The following NTNG2 variants were observed in gnomAD, a reference collection of about 807,000 sequenced individuals.
The protein encoded by NTNG2 is netrin-G2.
NTNG2 carries 15 observed loss-of-function variants against 47.6 expected under a neutral mutation model. That is an observed-to-expected ratio of 0.32 (90% CI 0.21 to 0.49). The LOEUF (loss-of-function observed/expected upper bound fraction) is 0.49, where lower values mean the gene tolerates loss of function less well. Ranked by LOEUF, NTNG2 falls within the 20% of genes least tolerant of loss-of-function variation. NTNG2 has a pLI of 0.99. For missense variants in NTNG2, 578 were observed against 764.6 expected (o/e 0.76, Z 2.88); for synonymous variants, 307 against 324.6 (o/e 0.95, Z 0.58).
intron 2 of NTNG2, among the ~76,000 whole-genome samples, chr9:132,173,749 G>C (rs1836122349): frequency 6.7e-6 from 1 of 149,146 alleles, no homozygotes; most frequent in Non-Finnish European, 1.5e-5. Context: ...CGGATGAGAT[G>C]GATGGACGGA....
At position 132,180,611 on chromosome 9, in the gene NTNG2, C is replaced by A. The variant is rs1409456712; in HGVS notation, c.213+13567C>A. On this transcript the variant is annotated intron_variant, in intron 2 of 7. Transcript: ENST00000393229. This position sits in a 1 kb window ranked among gnomAD's most constrained non-coding sequence, Gnocchi z 4.2. ...TCTTCCCATTTCGGGGTATAGACTTCCTGCCTGTAAAATGAGGGGGTCTGC... is the reference window on the plus strand; with the variant it reads ...TCTTCCCATTTCGGGGTATAGACTTACTGCCTGTAAAATGAGGGGGTCTGC... Among the ~76,000 whole-genome samples, 1 of 152,182 alleles carries A rather than the reference C, an allele frequency of 6.6e-6. No individual in the cohort carries two copies. The highest frequency in any genetic ancestry group is 1.9e-4 in the East Asian group (1 of 5,188).
intron 5 of NTNG2, chr9:132,233,475 G>T (rs943754): frequency 0.8 from 121,322 of 152,048 alleles, 48,690 homozygotes; most frequent in South Asian, 0.92. Context: ...TGCAGGGGAG[G>T]TGAGGGTCCC....
chr9:132,186,284 C>T (rs983179516), intron 2 of NTNG2, among the ~76,000 whole-genome samples: 3 of 152,206 alleles, frequency 2.0e-5, no homozygotes, highest in South Asian at 2.1e-4. Context: ...CAGGGATGCA[C>T]GGGCACTCTT....
intron 2 of NTNG2, among the ~76,000 whole-genome samples, chr9:132,195,503 AT>A (rs1838234335): frequency 8.9e-5 from 6 of 67,420 alleles, no homozygotes; most frequent in Non-Finnish European, 1.9e-4. Context: ...TTTTTTTTGT[AT>A]TTTTAGTAGA....
At chr9:132,210,273 T>A (rs905864771) in intron 3 of NTNG2, among the ~76,000 whole-genome samples, 5 of 152,074 alleles carry the variant, frequency 3.3e-5, no homozygotes, top group Admixed American at 6.5e-5. Flanking sequence ...CCCGCTCTTG[T>A]AAAGATTGTC....
chr9:132,240,549 GC>G (rs1841912412), intron 6 of NTNG2: 1 of 383,368 alleles, frequency 2.6e-6, no homozygotes, highest in African/African-American at 2.1e-5. Flanking sequence ...ATGCTCAGTG[GC>G]CTCTGCTGAG....
At chr9:132,178,664 G>A (rs1056082449) in intron 2 of NTNG2, among the ~76,000 whole-genome samples, 1 of 152,052 alleles carries the variant, frequency 6.6e-6, no homozygotes, top group Non-Finnish European at 1.5e-5. Context: ...ATTAGGCCAA[G>A]TGTGGTGGCT....
At chr9:132,169,991 T>C (rs1835783227) in intron 2 of NTNG2, among the ~76,000 whole-genome samples, 1 of 152,200 alleles carries the variant, frequency 6.6e-6, no homozygotes, top group Non-Finnish European at 1.5e-5. Context: ...GGGGGCGCCC[T>C]AATGGCGGCC....
Position 132,215,757 on chromosome 9 carries a change from A to G in NTNG2, c.858-11092A>G, listed in dbSNP as rs1839924834. ...CTCTGGGGTGGGTGTTGGACGGGAC[A>G]GCATGAATAAGGGGCCCTGCCCTTG... On this transcript the variant is annotated intron_variant, in intron 3 of 7. Transcript: ENST00000393229. This position sits in a 1 kb window ranked among gnomAD's most constrained non-coding sequence, Gnocchi z 4.2. Among the ~76,000 whole-genome samples the G allele has an allele frequency of 6.6e-6, 1 of 152,140 alleles. No individual in the cohort carries two copies. Among genetic ancestry groups the G allele is most frequent in the Non-Finnish European group, 1.5e-5 (1 of 68,014 alleles).
In NTNG2 at chr9:132,171,640, G is replaced by T. The variant is rs73559287; in HGVS notation, c.213+4596G>T. Among the ~76,000 whole-genome samples, 552 of 152,312 alleles carry T rather than the reference G, an allele frequency of 3.6e-3. 3 individuals carry two copies. The highest frequency in any genetic ancestry group is 0.012 in the African/African-American group (515 of 41,576). ...AGTTTACCCAGCTGCAGAGCAAATG[G>T]TTCCATTCCTCCCCCAGGGGGTCTG... On this transcript the variant is annotated intron_variant, in intron 2 of 7. Transcript: ENST00000393229.
chr9:132,195,570 A>G (rs912532952), intron 2 of NTNG2, among the ~76,000 whole-genome samples: 2 of 136,388 alleles, frequency 1.5e-5, no homozygotes, highest in East Asian at 4.3e-4. Flanking sequence ...CTCGTGATCC[A>G]CCCGCCTCGG....
intron 2 of NTNG2, among the ~76,000 whole-genome samples, chr9:132,176,501 A>G (rs1230333800): frequency 6.6e-6 from 1 of 152,212 alleles, no homozygotes; most frequent in Non-Finnish European, 1.5e-5. Flanking sequence ...GTTTGTCCAC[A>G]TTGTCGCATG....
chr9:132,238,676 G>A lies in NTNG2; in HGVS notation c.1055-428G>A, dbSNP rs547816339. Among the ~76,000 whole-genome samples the A allele has an allele frequency of 4.6e-5, 7 of 152,340 alleles. No homozygotes were observed. The South Asian group carries it at 6.2e-4, about 14-fold the overall frequency. On this transcript the variant is annotated intron_variant, in intron 5 of 7. Coordinates refer to ENST00000393229, the MANE Select transcript of NTNG2 (RefSeq NM_032536.4). ...TTCATCTACCCGAGGATACCACGGC[G>A]AGCGCCGTGAACCCAGGCGTCGCCC...
At chr9:132,230,175 G>C (rs1841091453) in intron 4 of NTNG2, among the ~76,000 whole-genome samples, 1 of 152,212 alleles carries the variant, frequency 6.6e-6, no homozygotes, top group Admixed American at 6.5e-5. Context: ...TCTTAGACAG[G>C]AACACTCCAT....
intron 2 of NTNG2, among the ~76,000 whole-genome samples, chr9:132,186,909 C>T (rs949469475): frequency 2.0e-5 from 3 of 152,256 alleles, no homozygotes; most frequent in Non-Finnish European, 4.4e-5. Flanking sequence ...AAGGCCCCTG[C>T]TCTCCCAGAG....
rs190527982 is a variant in NTNG2 at position 132,171,820 on chromosome 9, G to C, written c.213+4776G>C. 1.2e-4 allele frequency among the ~76,000 whole-genome samples: 18 copies of C among 152,324 alleles called. No homozygotes were observed. The East Asian group carries it at 3.5e-3, about 29-fold the overall frequency. Reference sequence around the variant, plus strand: ...AAATGTTTCCATCCAACAATGCAGAGCTGACCGGCCCGATGGCTCTGGCCT... The same window carrying C: ...AAATGTTTCCATCCAACAATGCAGACCTGACCGGCCCGATGGCTCTGGCCT... On this transcript the variant is annotated intron_variant, in intron 2 of 7. Transcript: ENST00000393229.
chr9:132,198,625 G>A lies in NTNG2; in HGVS notation c.857+16G>A, dbSNP rs775628996. On this transcript the variant is annotated intron_variant, in intron 3 of 7. Transcript: ENST00000393229. ...TCATCGGCAGGTAAGGCCGGGGGAA[G>A]CCCTGGATGTCACCTGCAACCTGGG... The A allele has an allele frequency of 7.5e-6, 12 of 1,596,090 alleles. No homozygotes were observed. The highest frequency in any genetic ancestry group is 7.7e-6 in the Non-Finnish European group (9 of 1,168,200).
At chr9:132,238,703 C>T (rs1397097422) in intron 5 of NTNG2, among the ~76,000 whole-genome samples, 1 of 152,224 alleles carries the variant, frequency 6.6e-6, no homozygotes, top group Non-Finnish European at 1.5e-5. Context: ...GCGTCGCCCT[C>T]CCCCAGTGCA....
At chr9:132,230,974 G>C (rs1431132466) in intron 5 of NTNG2, among the ~76,000 whole-genome samples, 3 of 152,066 alleles carry the variant, frequency 2.0e-5, no homozygotes, top group Non-Finnish European at 4.4e-5. Context: ...TCTCTCACCT[G>C]GATCTGGGAG....
Sources: gnomAD v4.1 joint callset for allele counts (sites outside exome capture counted in the v4.1 genomes callset) on GRCh38, gnomAD v4.1.1 for gene constraint, Gnocchi (gnomAD v3.1) non-coding constraint, MANE v1.5 for transcripts, NCBI Gene and HGNC (gene_info 2026-07-23, HGNC 2026-07-21) for gene names.